MALT1: variants seen among roughly 807,000 people sequenced by gnomAD.
The protein encoded by MALT1 is MALT1 paracaspase, also known as mucosa-associated lymphoid tissue lymphoma translocation protein 1.
In MALT1, 36 loss-of-function variants were observed where a neutral mutation model predicts 85.5. The observed-to-expected ratio is 0.42, with a 90% CI of 0.32 to 0.56. The LOEUF (loss-of-function observed/expected upper bound fraction) is 0.56, where lower values mean the gene tolerates loss of function less well. Ranked by LOEUF, MALT1 falls within the 20% of genes least tolerant of loss-of-function variation. MALT1 has a pLI of 0.10. For synonymous variants in MALT1, 359 were observed against 361.3 expected (o/e 0.99, Z 0.07); for missense variants, 716 against 981.6 (o/e 0.73, Z 3.62).
At chr18:58,741,739 A>G in intron 13 of MALT1, 126 bp from the exon 14 acceptor site, 1 of 524,780 alleles carries the variant, frequency 1.9e-6, no homozygotes. Context: ...TGCTCAGGAA[A>G]TATTTGTTGA....
In MALT1 at chr18:58,700,424, TATTG is replaced by T. The variant is rs1440649337; in HGVS notation, c.499-13_499-10del. On this transcript the variant is annotated splice_polypyrimidine_tract_variant and intron_variant, in intron 3 of 16. Coordinates refer to ENST00000649217, the MANE Select transcript of MALT1 (RefSeq NM_006785.4). ...TTTTTGATGAGTCATCCACTTCTCTTATTGATTCTTTCACAGATTCCAAATGGAA... is the reference window on the plus strand; with the variant it reads ...TTTTTGATGAGTCATCCACTTCTCTTATTCTTTCACAGATTCCAAATGGAA... The T allele has an allele frequency of 6.3e-7, 1 of 1,580,468 alleles. No homozygotes were observed.
intron 2 of MALT1, among the ~76,000 whole-genome samples, chr18:58,695,843 A>T (rs555871984): frequency 6.6e-6 from 1 of 152,324 alleles, no homozygotes; most frequent in East Asian, 1.9e-4. Context: ...TACATTGGGG[A>T]TTCAGTTTCC....
intron 10 of MALT1, among the ~76,000 whole-genome samples, chr18:58,729,699 C>A (rs2055119770): frequency 6.6e-6 from 1 of 151,944 alleles, no homozygotes; most frequent in Non-Finnish European, 1.5e-5. Context: ...CTTTGAAAAC[C>A]AAGAAAATGT....
intron 2 of MALT1, among the ~76,000 whole-genome samples, chr18:58,684,119 T>TATTTTTG (rs764303025): frequency 1.3e-5 from 2 of 152,016 alleles, no homozygotes; most frequent in Non-Finnish European, 2.9e-5. Context: ...TTTTGGTAGA[T>TATTTTTG]ACGGGGTTTT....
At chr18:58,682,506 C>T (rs1438143325) in intron 2 of MALT1, among the ~76,000 whole-genome samples, 2 of 152,244 alleles carry the variant, frequency 1.3e-5, no homozygotes, top group South Asian at 2.1e-4. Flanking sequence ...TAGCGCAAGA[C>T]GTCTGCTGGC....
At chr18:58,691,401 A>G in intron 2 of MALT1, 1 of 551,014 alleles carries the variant, frequency 1.8e-6, no homozygotes, top group South Asian at 1.7e-5. Context: ...TGACACCAAG[A>G]TCTCGGAGCA....
In MALT1 at chr18:58,700,498, G is replaced by A. The variant is rs761388160; in HGVS notation, c.556G>A (p.Gly186Ser). Residue 186 changes from glycine to serine, a missense_variant, in exon 4 of 17, where the codon GGC (glycine) becomes AGC (serine). Gly to Ser is a moderately conservative substitution (Grantham distance 56). Around this residue, in one of 4 missense-constraint regions of MALT1, gnomAD observed 290 missense variants for 380.5 expected, o/e 0.76. Coordinates refer to ENST00000649217, the MANE Select transcript of MALT1 (RefSeq NM_006785.4). The stretch of plus-strand genomic sequence containing the variant: ...TAATGCAGTGCATGTAAAAGATGCA[G>A]GCTTTTATGTCTGTCGAGTTAATAA... ...IFNAVHVKDA[G>S]FYVCRVNNNF... is the part of the protein sequence containing the mutation. 2 of 1,612,380 alleles carry A rather than the reference G, an allele frequency of 1.2e-6. No homozygotes were observed. Among genetic ancestry groups the A allele is most frequent in the Non-Finnish European group, 1.7e-6 (2 of 1,179,378 alleles).
rs1364822117 is a variant in MALT1, at chr18:58,685,579, C to T, written c.376+4243C>T. ...GGACCCAGCTTCAGCAGTCACTCAG[C>T]ATGTAGTCTGAGTGTAAACTCACTC... On this transcript the variant is annotated intron_variant, in intron 2 of 16. Transcript: ENST00000649217. Among the ~76,000 whole-genome samples, 5 of 152,170 alleles carry T rather than the reference C, an allele frequency of 3.3e-5. No homozygotes were observed. In the East Asian group the frequency reaches 9.6e-4, roughly 29 times the overall value.
intron 3 of MALT1, among the ~76,000 whole-genome samples, chr18:58,697,524 G>A (rs1406672979): frequency 2.6e-5 from 4 of 152,088 alleles, no homozygotes; most frequent in African/African-American, 7.2e-5. Context: ...GATGTTTTAC[G>A]TGCCTAGGCT....
In MALT1 at chr18:58,747,511, T is replaced by C; in HGVS notation, c.2144T>C (p.Leu715Ser). 1.9e-6 allele frequency: 3 copies of C among 1,614,034 alleles called. No homozygotes were observed. Residue 715 changes from leucine (L) to serine (S), a missense_variant, in exon 17 of 17, where the codon TTA (leucine) becomes TCA (serine). Transcript: ENST00000649217. ...VNVGKPLIAK[L>S]DMHRGLGRKT... ...GTTGGGAAACCTCTCATTGCTAAATTAGACATGCATCGAGGTTTGGGAAGG... is the reference window on the plus strand; with the variant it reads ...GTTGGGAAACCTCTCATTGCTAAATCAGACATGCATCGAGGTTTGGGAAGG...
chr18:58,717,920 A>G (rs2054927204), intron 9 of MALT1, among the ~76,000 whole-genome samples: 1 of 152,186 alleles, frequency 6.6e-6, no homozygotes, highest in African/African-American at 2.4e-5. Flanking sequence ...TTCTGTAGAG[A>G]GGAGCATACA....
intron 9 of MALT1, among the ~76,000 whole-genome samples, chr18:58,718,771 A>C (rs2144410837): frequency 6.6e-6 from 1 of 152,350 alleles, no homozygotes; most frequent in Non-Finnish European, 1.5e-5. Context: ...ATATGTAAAG[A>C]ATCTAGAAAT....
In MALT1 at chr18:58,744,496, G is replaced by T. The variant is rs1450046707; in HGVS notation, c.1911+1G>T. The stretch of plus-strand genomic sequence containing the variant: ...TGCCTACGTTACTGATTTTCCACTT[G>T]TGAGTCTCTTCTTTTATTTAAAATA... On this transcript the variant is annotated splice_donor_variant, in intron 15 of 16. Transcript: ENST00000649217. LOFTEE classifies it high-confidence loss of function. The T allele has an allele frequency of 6.3e-7, 1 of 1,590,988 alleles. No homozygotes were observed. Among genetic ancestry groups the T allele is most frequent in the Non-Finnish European group, 8.6e-7 (1 of 1,168,112 alleles).
At chr18:58,729,451 T>C (rs1055385917) in intron 10 of MALT1, among the ~76,000 whole-genome samples, 19 of 145,774 alleles carry the variant, frequency 1.3e-4, no homozygotes, top group African/African-American at 4.7e-4. Context: ...ATCACACCAT[T>C]GCACTCCAGC....
At chr18:58,725,668 T>C (rs1332574853) in intron 10 of MALT1, among the ~76,000 whole-genome samples, 2 of 152,230 alleles carry the variant, frequency 1.3e-5, no homozygotes, top group African/African-American at 4.8e-5. Flanking sequence ...ATTTAAAGAT[T>C]GAGGGAATCA....
At chr18:58,702,670 AT>A (rs2054690936) in intron 4 of MALT1, among the ~76,000 whole-genome samples, 1 of 152,126 alleles carries the variant, frequency 6.6e-6, no homozygotes, top group African/African-American at 2.4e-5. Context: ...CATAATGCGT[AT>A]TTTTCTCCCA....
intron 2 of MALT1, among the ~76,000 whole-genome samples, chr18:58,682,366 A>G (rs1036913027): frequency 1.3e-5 from 2 of 152,316 alleles, no homozygotes; most frequent in Non-Finnish European, 2.9e-5. Context: ...TCTCCTTCTA[A>G]TTGAAAAGCT....
intron 15 of MALT1, 63 bp from the exon 16 acceptor site, chr18:58,745,603 C>G: frequency 7.0e-7 from 1 of 1,438,290 alleles, no homozygotes; most frequent in South Asian, 1.2e-5. Flanking sequence ...GTCTTATGTA[C>G]TAGATTATAT....
chr18:58,688,235 G>A (rs988208110), intron 2 of MALT1, among the ~76,000 whole-genome samples: 11 of 151,182 alleles, frequency 7.3e-5, no homozygotes, highest in African/African-American at 2.4e-4. Flanking sequence ...ACCAGGGGTG[G>A]TTTCCAAATC....
Sources: allele counts gnomAD v4.1 joint callset (sites outside exome capture counted in the v4.1 genomes callset), GRCh38; gene constraint gnomAD v4.1.1; regional missense constraint gnomAD v4.1.1; transcripts MANE v1.5; gene names NCBI Gene and HGNC (gene_info 2026-07-23, HGNC 2026-07-21).